Variants in TMEM179B observed in about 807,000 individuals in gnomAD.
The protein encoded by TMEM179B is transmembrane protein 179B.
In TMEM179B, 13 loss-of-function variants were observed where a neutral mutation model predicts 18.0. The observed-to-expected ratio is 0.72, with a 90% CI of 0.47 to 1.15. The LOEUF (loss-of-function observed/expected upper bound fraction) is 1.15. Among genes scored for constraint, TMEM179B ranks in the 50% most tolerant of loss-of-function variants. The pLI is 0.00. For synonymous variants in TMEM179B, 159 were observed against 117.5 expected (o/e 1.35, Z -2.29); for missense variants, 320 against 270.6 (o/e 1.18, Z -1.28).
chr11:62,790,161 G>C lies in TMEM179B; in HGVS notation c.*114G>C, dbSNP rs1037012340. 13 of 1,216,364 alleles carry C rather than the reference G, an allele frequency of 1.1e-5. No individual in the cohort carries two copies. The East Asian group carries it at 1.9e-4, about 17-fold the overall frequency. 75.3% of individuals were successfully genotyped at this position (1,216,364 alleles called of 1,614,324 possible). A position where few individuals can be genotyped will look rare whatever the true frequency, so the allele number is the denominator to read the frequency against. On this transcript the variant is annotated 3_prime_UTR_variant, in exon 5 of 5. Transcript: ENST00000333449. ...CTTAGTTTTCCTTTCGTTGGGGGGT[G>C]GGGGGGAAACATAATGACAGGCCCC...
Position 62,789,715 on chromosome 11 carries a change from A to G in TMEM179B, c.498+36A>G, listed in dbSNP as rs564724681. ...AGGATAGGAGGAAAAACTGACATAA[A>G]TATCTGTAGCTGTGTGGGTGCTCAC... On this transcript the variant is annotated intron_variant, in intron 4 of 4. Coordinates refer to ENST00000333449, the MANE Select transcript of TMEM179B (RefSeq NM_199337.3). 24 of 1,524,262 alleles carry G rather than the reference A, an allele frequency of 1.6e-5. No homozygotes were observed. The South Asian group carries it at 2.2e-4, about 14-fold the overall frequency. 94.4% of individuals were successfully genotyped at this position (1,524,262 alleles called of 1,614,324 possible). A position where few individuals can be genotyped will look rare whatever the true frequency, so the allele number is the denominator to read the frequency against.
chr11:62,790,162 G>C lies in TMEM179B; in HGVS notation c.*115G>C. 1 of 1,231,410 alleles carries C rather than the reference G, an allele frequency of 8.1e-7. No homozygotes were observed. 76.3% of individuals were successfully genotyped at this position (1,231,410 alleles called of 1,614,324 possible). A position where few individuals can be genotyped will look rare whatever the true frequency, so the allele number is the denominator to read the frequency against. On this transcript the variant is annotated 3_prime_UTR_variant, in exon 5 of 5. Transcript: ENST00000333449. Reference sequence around the variant, plus strand: ...TTAGTTTTCCTTTCGTTGGGGGGTGGGGGGGAAACATAATGACAGGCCCCC... The same window carrying C: ...TTAGTTTTCCTTTCGTTGGGGGGTGCGGGGGAAACATAATGACAGGCCCCC...
At chr11:62,787,918 T>C (rs1235782192) in intron 1 of TMEM179B, 9 of 508,380 alleles carry the variant, frequency 1.8e-5, no homozygotes, top group South Asian at 4.6e-5. Flanking sequence ...GTAGTGGAGA[T>C]GATCAAGCTG....
At position 62,787,497 on chromosome 11, in the gene TMEM179B, C is replaced by T. The variant is rs2084299833; in HGVS notation, c.66C>T (p.Ala22=). ...TTGCTGCCGCCTTCCTGTGCGGGGC[C>T]GTGGCGGCCGCGGCGATGACTCGGA... ...ALFAAAFLCG[A]VAAAAMTRTQ... is the part of the protein sequence containing the mutation. Residue 22 remains alanine, a synonymous_variant, in exon 1 of 5, where the codon GCC becomes GCT. Transcript: ENST00000333449. 5 of 1,578,664 alleles carry T rather than the reference C, an allele frequency of 3.2e-6. No homozygotes were observed. In the South Asian group the frequency reaches 4.5e-5, roughly 14 times the overall value.
In TMEM179B at chr11:62,789,398, TC is replaced by T; in HGVS notation, c.393del (p.Ile132SerfsTer4). 1 of 1,613,912 alleles carries T rather than the reference TC, an allele frequency of 6.2e-7. No individual in the cohort carries two copies. The highest frequency in any genetic ancestry group is 8.5e-7 in the Non-Finnish European group (1 of 1,180,012). Reference sequence around the variant, plus strand: ...ATTTGGCACCAGGTCTCTCTGCAACTCCATCATCTCCTTGAACACTACAATT... The same window carrying T: ...ATTTGGCACCAGGTCTCTCTGCAACTCATCATCTCCTTGAACACTACAATT... ...LRFGTRSLCN[S>X]IISLNTTISC... is the part of the protein sequence containing the mutation. On this transcript the variant is annotated frameshift_variant, in exon 3 of 5. Transcript: ENST00000333449. LOFTEE classifies it high-confidence loss of function.
At position 62,789,379 on chromosome 11, in the gene TMEM179B, C is replaced by G. The variant is rs987295349; in HGVS notation, c.372C>G (p.Gly124=). The change falls in exon 3 of 5, where the codon GGC becomes GGG. Residue 124 remains glycine, a synonymous_variant. Coordinates refer to ENST00000333449, the MANE Select transcript of TMEM179B (RefSeq NM_199337.3). ...TGTCTGCCTGTATCCTTCGATTTGG[C>G]ACCAGGTCTCTCTGCAACTCCATCA... ...VLVSACILRF[G]TRSLCNSIIS... The G allele has an allele frequency of 6.2e-7, 1 of 1,613,960 alleles. No homozygotes were observed. The highest frequency in any genetic ancestry group is 2.2e-5 in the East Asian group (1 of 44,886).
Position 62,789,276 on chromosome 11 carries a change from G to A in TMEM179B, c.285-16G>A, listed in dbSNP as rs746192230. 6 of 1,614,096 alleles carry A rather than the reference G, an allele frequency of 3.7e-6. No homozygotes were observed. The highest frequency in any genetic ancestry group is 5.1e-6 in the Non-Finnish European group (6 of 1,180,004). On this transcript the variant is annotated splice_polypyrimidine_tract_variant and intron_variant, in intron 2 of 4. Coordinates refer to ENST00000333449, the MANE Select transcript of TMEM179B (RefSeq NM_199337.3). Reference sequence around the variant, plus strand: ...GAGCCTCACCTCCACCACAAGGCTTGTTCTCTCCCTTTCAGAGGTGCTATA... The same window carrying A: ...GAGCCTCACCTCCACCACAAGGCTTATTCTCTCCCTTTCAGAGGTGCTATA...
intron 1 of TMEM179B, chr11:62,788,067 T>C: frequency 2.2e-6 from 1 of 446,710 alleles, no homozygotes; most frequent in Non-Finnish European, 4.5e-6. Context: ...ATTTAATGCC[T>C]ATAAAGTAGG....
intron 3 of TMEM179B, 28 bp downstream of exon 3, chr11:62,789,454 TG>T: frequency 6.2e-7 from 1 of 1,613,534 alleles, no homozygotes; most frequent in Non-Finnish European, 8.5e-7. Flanking sequence ...GAAGCCTGGC[TG>T]GGGCTGACTA....
Position 62,789,980 on chromosome 11 carries a change from A to G in TMEM179B, c.593A>G (p.Glu198Gly). 6 of 1,614,038 alleles carry G rather than the reference A, an allele frequency of 3.7e-6. No homozygotes were observed. Among genetic ancestry groups the G allele is most frequent in the Non-Finnish European group, 5.1e-6 (6 of 1,179,982 alleles). ...GAAGCCACCCCATACCGGCCTCTGG[A>G]GAGGGGTGACCCTGAGTGGAGCTCT... ...KSEATPYRPL[E>G]RGDPEWSSET... Residue 198 changes from glutamate (E) to glycine (G), a missense_variant, in exon 5 of 5, where the codon GAG (glutamate) becomes GGG (glycine). Transcript: ENST00000333449.
chr11:62,789,121 T>A lies in TMEM179B; in HGVS notation c.195T>A (p.Phe65Leu). 6.2e-7 allele frequency: 1 copy of A among 1,614,208 alleles called. No homozygotes were observed. The highest frequency in any genetic ancestry group is 8.5e-7 in the Non-Finnish European group (1 of 1,180,028). ...SRPSAPSLCY[F>L]VAGASGLLAL... ...CCTCAGCACCATCCCTGTGCTACTT[T>A]GTAGCTGGGGCCTCTGGCCTCTTGG... The change falls in exon 2 of 5, where the codon TTT becomes TTA. Residue 65 changes from phenylalanine to leucine, a missense_variant. By Grantham distance (22) the Phe-to-Leu change is conservative. Coordinates refer to ENST00000333449, the MANE Select transcript of TMEM179B (RefSeq NM_199337.3).
chr11:62,787,558 G>A (rs760507029), intron 1 of TMEM179B, 31 bp downstream of exon 1: 3 of 1,517,398 alleles, frequency 2.0e-6, no homozygotes, highest in Admixed American at 2.1e-5. Context: ...CAGGTAGGCG[G>A]GGGAGCTGGC....
At chr11:62,788,357 C>T (rs1342471517) in intron 1 of TMEM179B, among the ~76,000 whole-genome samples, 1 of 148,894 alleles carries the variant, frequency 6.7e-6, no homozygotes, top group Non-Finnish European at 1.5e-5. Flanking sequence ...GAGTCGAGAT[C>T]GTGCCATTGC....
chr11:62,789,623 C>A lies in TMEM179B; in HGVS notation c.442C>A (p.Pro148Thr). The change falls in exon 4 of 5, where the codon CCA (proline) becomes ACA (threonine). Residue 148 changes from proline to threonine, a missense_variant. Pro to Thr is a conservative substitution (Grantham distance 38, BLOSUM62 -1). Coordinates refer to ENST00000333449, the MANE Select transcript of TMEM179B (RefSeq NM_199337.3). ...CAGCTGTTCTGAAGCCCAGAAAATT[C>A]CATGGACACCCCCTGGAACTGCTCT... The part of the protein sequence containing the change: ...TISCSEAQKI[P>T]WTPPGTALQF... The A allele has an allele frequency of 1.3e-6, 2 of 1,548,130 alleles. No homozygotes were observed. Among genetic ancestry groups the A allele is most frequent in the Non-Finnish European group, 1.7e-6 (2 of 1,151,086 alleles).
At position 62,789,684 on chromosome 11, in the gene TMEM179B, G is replaced by C. The variant is rs755371019; in HGVS notation, c.498+5G>C. ...TCCAACCTACACAATGCTGAAGTGA[G>C]ACCCAAGGATAGGAGGAAAAACTGA... On this transcript the variant is annotated splice_donor_5th_base_variant and intron_variant, in intron 4 of 4. Transcript: ENST00000333449. The C allele has an allele frequency of 6.5e-7, 1 of 1,539,136 alleles. No homozygotes were observed. The highest frequency in any genetic ancestry group is 8.7e-7 in the Non-Finnish European group (1 of 1,146,566).
chr11:62,787,934 T>G, intron 1 of TMEM179B: 1 of 494,728 alleles, frequency 2.0e-6, no homozygotes, highest in Non-Finnish European at 4.0e-6. Flanking sequence ...AGCTGCCACA[T>G]GATTGTAGCA....
Position 62,789,121 on chromosome 11 carries a change from T to C in TMEM179B, c.195T>C (p.Phe65=). 4 of 1,614,208 alleles carry C rather than the reference T, an allele frequency of 2.5e-6. No homozygotes were observed. Among genetic ancestry groups the C allele is most frequent in the Non-Finnish European group, 2.5e-6 (3 of 1,180,028 alleles). Residue 65 remains phenylalanine, a synonymous_variant, in exon 2 of 5, where the codon TTT becomes TTC. Transcript: ENST00000333449. The part of the protein sequence containing the change: ...SRPSAPSLCY[F]VAGASGLLAL... ...CCTCAGCACCATCCCTGTGCTACTT[T>C]GTAGCTGGGGCCTCTGGCCTCTTGG...
Position 62,787,570 on chromosome 11 carries a change from G to T in TMEM179B, c.96+43G>T, listed in dbSNP as rs759419056. The T allele has an allele frequency of 3.0e-5, 45 of 1,494,064 alleles. No individual in the cohort carries two copies. The African/African-American group carries it at 6.2e-4, about 20-fold the overall frequency. 92.6% of individuals were successfully genotyped at this position (1,494,064 alleles called of 1,614,324 possible). Reference sequence around the variant, plus strand: ...GGTCAGGTAGGCGGGGGAGCTGGCCGGTCTGGACATGGCGAGGCCACTTTC... The same window carrying T: ...GGTCAGGTAGGCGGGGGAGCTGGCCTGTCTGGACATGGCGAGGCCACTTTC... On this transcript the variant is annotated intron_variant, in intron 1 of 4. Transcript: ENST00000333449.
At chr11:62,789,850 T>G (rs768348551) in intron 4 of TMEM179B, 36 bp from the exon 5 acceptor site, 1 of 1,599,168 alleles carries the variant, frequency 6.3e-7, no homozygotes, top group South Asian at 1.1e-5. Flanking sequence ...TTTGAAATGG[T>G]CCCACTCCTG....
Sources: gnomAD v4.1 joint callset for allele counts (sites outside exome capture counted in the v4.1 genomes callset) on GRCh38, gnomAD v4.1.1 for gene constraint, MANE v1.5 for transcripts, NCBI Gene and HGNC (gene_info 2026-07-23, HGNC 2026-07-21) for gene names.